The following TLL1 variants were observed in gnomAD, a reference collection of about 807,000 sequenced individuals.
The protein encoded by TLL1 is tolloid like 1, also known as tolloid-like protein 1.
Under a neutral mutation model 128.2 loss-of-function variants are expected in TLL1, and 49 were observed. The observed-to-expected ratio is 0.38, with a 90% CI of 0.30 to 0.48. TLL1 has a LOEUF of 0.48. TLL1 is among the 20% of genes least tolerant of loss of function. The probability of loss-of-function intolerance (pLI) is 0.96; values close to 1 mark genes in which losing one functional copy is unlikely to be tolerated. For missense variants in TLL1, 1,123 were observed against 1,242.0 expected (o/e 0.90, Z 1.44); for synonymous variants, 454 against 418.8 (o/e 1.08, Z -1.03).
At chr4:166,059,659 T>A (rs964328479) in intron 14 of TLL1, among the ~76,000 whole-genome samples, 2 of 152,010 alleles carry the variant, frequency 1.3e-5, no homozygotes, top group African/African-American at 4.8e-5. Context: ...AAAAAAAAAT[T>A]TTTTTCCTTA....
At chr4:165,889,632 CA>C (rs1433940441) in intron 1 of TLL1, among the ~76,000 whole-genome samples, 1 of 152,196 alleles carries the variant, frequency 6.6e-6, no homozygotes, top group Non-Finnish European at 1.5e-5. Flanking sequence ...CTTTGTGGAA[CA>C]GCTAAGTAGG....
rs536539535 is a variant in TLL1, at chr4:165,897,727, C to T, written c.169+23654C>T. Among the ~76,000 whole-genome samples, 9 of 71,592 alleles carry T rather than the reference C, an allele frequency of 1.3e-4. 1 individual carries two copies. The South Asian group carries it at 3.4e-3, about 27-fold the overall frequency. 47.0% of individuals were successfully genotyped at this position (71,592 alleles called of 152,430 possible). On this transcript the variant is annotated intron_variant, in intron 1 of 20. Coordinates refer to ENST00000061240, the MANE Select transcript of TLL1 (RefSeq NM_012464.5). Reference sequence around the variant, plus strand: ...GGCTATATGGGCCCTTTTTTGGTTTCATATGAAATTTAAAGTAGTTGTTTC... The same window carrying T: ...GGCTATATGGGCCCTTTTTTGGTTTTATATGAAATTTAAAGTAGTTGTTTC...
At chr4:166,027,835 C>T (rs2111073715) in intron 9 of TLL1, among the ~76,000 whole-genome samples, 1 of 152,180 alleles carries the variant, frequency 6.6e-6, no homozygotes, top group South Asian at 2.1e-4. Flanking sequence ...AACATTTCTC[C>T]TGTCCAATTC....
At chr4:166,049,410 A>C (rs1230016843) in intron 12 of TLL1, among the ~76,000 whole-genome samples, 1 of 152,198 alleles carries the variant, frequency 6.6e-6, no homozygotes, top group African/African-American at 2.4e-5. Flanking sequence ...GTGTCAGTCC[A>C]TCAGAGGCAT....
At chr4:166,044,570 A>ATT (rs140761984) in intron 12 of TLL1, 17 of 636,560 alleles carry the variant, frequency 2.7e-5, no homozygotes, top group East Asian at 2.5e-4. Context: ...GCTCCAGACC[A>ATT]TTTTTTTTTT....
rs1407817188 is a variant in TLL1 at position 165,931,639 on chromosome 4, A to G, written c.169+57566A>G. 7.3e-5 allele frequency among the ~76,000 whole-genome samples: 11 copies of G among 150,262 alleles called. No homozygotes were observed. In the Admixed American group the frequency reaches 7.6e-4, roughly 10 times the overall value. ...GAGGCTGAGGCAGGAGAGTGGCGTG[A>G]ACCAGGGAGGTGGAGCTTGCAGTGA... is the stretch of plus-strand genomic sequence containing the variant. On this transcript the variant is annotated intron_variant, in intron 1 of 20. Coordinates refer to ENST00000061240, the MANE Select transcript of TLL1 (RefSeq NM_012464.5).
intron 16 of TLL1, 98 bp downstream of exon 16, chr4:166,065,961 C>A: frequency 2.8e-6 from 2 of 706,998 alleles, no homozygotes; most frequent in South Asian, 2.0e-5. Flanking sequence ...TCTGTAAATG[C>A]AACTTGAAGA....
chr4:165,875,956 C>G (rs1730706326), intron 1 of TLL1, among the ~76,000 whole-genome samples: 1 of 151,892 alleles, frequency 6.6e-6, no homozygotes, highest in Non-Finnish European at 1.5e-5. Context: ...CCCTTTGATG[C>G]TGGTTTATTT....
chr4:166,055,410 G>A, intron 13 of TLL1, 139 bp downstream of exon 13: 2 of 759,674 alleles, frequency 2.6e-6, no homozygotes, highest in Middle Eastern at 7.4e-4. Context: ...AGTTTCGATA[G>A]AAAAGGTTAT....
chr4:165,986,066 G>A (rs1451341241), intron 1 of TLL1, among the ~76,000 whole-genome samples: 2 of 151,352 alleles, frequency 1.3e-5, no homozygotes, highest in Non-Finnish European at 2.9e-5. Flanking sequence ...GTATTAAATG[G>A]GCCAAATGAA....
At position 166,043,962 on chromosome 4, in the gene TLL1, A is replaced by G. The variant is rs1362589829; in HGVS notation, c.1524+543A>G. Among the ~76,000 whole-genome samples, 3 of 152,290 alleles carry G rather than the reference A, an allele frequency of 2.0e-5. No homozygotes were observed. The South Asian group carries it at 6.2e-4, about 32-fold the overall frequency. ...ATTAGATGACGGGTCAGAAGAAACC[A>G]AAGGCCAATCAGAATTTTTGGATCA... On this transcript the variant is annotated intron_variant, in intron 12 of 20. Transcript: ENST00000061240.
At chr4:166,047,960 G>A (rs542824428) in intron 12 of TLL1, among the ~76,000 whole-genome samples, 1 of 152,194 alleles carries the variant, frequency 6.6e-6, no homozygotes, top group South Asian at 2.1e-4. Context: ...CTAGGGGCTA[G>A]GTGCTGTGGC....
chr4:165,959,286 T>C (rs1433177931), intron 1 of TLL1, among the ~76,000 whole-genome samples: 1 of 152,178 alleles, frequency 6.6e-6, no homozygotes, highest in East Asian at 1.9e-4. Context: ...GCATTGAATC[T>C]ATAAATTACC....
At chr4:166,008,836 A>T (rs17047200) in intron 7 of TLL1, among the ~76,000 whole-genome samples, 26,356 of 150,404 alleles carry the variant, frequency 0.18, 2,718 homozygotes, top group African/African-American at 0.29. Flanking sequence ...TCCATTTCAC[A>T]GTTCATTGAC....
intron 1 of TLL1, among the ~76,000 whole-genome samples, chr4:165,967,653 G>A (rs1484666594): frequency 6.6e-6 from 1 of 152,126 alleles, no homozygotes; most frequent in African/African-American, 2.4e-5. Flanking sequence ...CATGCCAGAG[G>A]CCAATATGAA....
chr4:166,017,081 C>A (rs1431730540), intron 8 of TLL1, among the ~76,000 whole-genome samples: 3 of 151,978 alleles, frequency 2.0e-5, no homozygotes, highest in Non-Finnish European at 4.4e-5. Context: ...TCAACCCTTG[C>A]CGCCTCCCAC....
At chr4:165,998,858 C>G (rs1737017756) in intron 5 of TLL1, among the ~76,000 whole-genome samples, 1 of 151,924 alleles carries the variant, frequency 6.6e-6, no homozygotes, top group Non-Finnish European at 1.5e-5. Flanking sequence ...TTTTGTCCCA[C>G]TTAACATACT....
At chr4:165,911,526 T>C (rs190537716) in intron 1 of TLL1, among the ~76,000 whole-genome samples, 82 of 152,336 alleles carry the variant, frequency 5.4e-4, no homozygotes, top group Middle Eastern at 3.4e-3. Flanking sequence ...ATCTGCTGTC[T>C]CAGTCTTTTT....
intron 13 of TLL1, among the ~76,000 whole-genome samples, chr4:166,055,926 G>T (rs866788777): frequency 6.6e-6 from 1 of 151,854 alleles, no homozygotes; most frequent in Non-Finnish European, 1.5e-5. Flanking sequence ...TTTTTCTATG[G>T]GAAGAGAAAA....
Sources: gnomAD v4.1 joint callset for allele counts (sites outside exome capture counted in the v4.1 genomes callset) on GRCh38, gnomAD v4.1.1 for gene constraint, MANE v1.5 for transcripts, NCBI Gene and HGNC (gene_info 2026-07-23, HGNC 2026-07-21) for gene names.